STAG1: variants seen among roughly 807,000 people sequenced by gnomAD.
STAG1 encodes the protein STAG1 cohesin complex component.
A neutral mutation model predicts 170.9 loss-of-function variants in STAG1; 26 were observed. The ratio of observed to expected loss-of-function variants is 0.15; its 90% CI spans 0.11 to 0.21. The LOEUF is 0.21. Ranked by LOEUF, STAG1 falls within the 10% of genes least tolerant of loss-of-function variation. STAG1 has a pLI of 1.00. For missense variants in STAG1, 964 were observed against 1,509.5 expected (o/e 0.64, Z 5.99); for synonymous variants, 514 against 497.7 (o/e 1.03, Z -0.44).
intron 1 of STAG1, among the ~76,000 whole-genome samples, chr3:136,650,403 T>C (rs1270402558): frequency 1.3e-5 from 2 of 152,122 alleles, no homozygotes; most frequent in African/African-American, 4.8e-5. Flanking sequence ...TTCTAAACAG[T>C]GAAATTAAGG....
At chr3:136,621,432 C>T (rs1939843809) in intron 3 of STAG1, among the ~76,000 whole-genome samples, 1 of 152,154 alleles carries the variant, frequency 6.6e-6, no homozygotes, top group Non-Finnish European at 1.5e-5. Flanking sequence ...AGCAATGAAA[C>T]TTGCCTATGG....
Position 136,502,619 on chromosome 3 carries a change from GA to G in STAG1, c.828+8del. 1 of 1,611,564 alleles carries G rather than the reference GA, an allele frequency of 6.2e-7. No individual in the cohort carries two copies. The highest frequency in any genetic ancestry group is 8.5e-7 in the Non-Finnish European group (1 of 1,179,036). On this transcript the variant is annotated splice_region_variant and intron_variant, in intron 8 of 33. Coordinates refer to ENST00000383202, the MANE Select transcript of STAG1 (RefSeq NM_005862.3). ...AGAACATAAAATCATCAGTTCCCAT[GA>G]AACTTACCTCTTTGCGTTTCTGAAG... is the stretch of plus-strand genomic sequence containing the variant.
In STAG1 at chr3:136,526,122, C is replaced by T. The variant is rs562328797; in HGVS notation, c.472-4705G>A. 2.0e-5 allele frequency among the ~76,000 whole-genome samples: 3 copies of T among 152,250 alleles called. No homozygotes were observed. In the South Asian group the frequency reaches 6.2e-4, roughly 32 times the overall value. On this transcript the variant is annotated intron_variant, in intron 6 of 33. Coordinates refer to ENST00000383202, the MANE Select transcript of STAG1 (RefSeq NM_005862.3). ...AGATGTCTATTAATTCTGCTTGGTGCAGAGCTGAGTTCAATTCCTGGATAT... is the reference window on the plus strand; with the variant it reads ...AGATGTCTATTAATTCTGCTTGGTGTAGAGCTGAGTTCAATTCCTGGATAT...
intron 6 of STAG1, among the ~76,000 whole-genome samples, chr3:136,523,103 C>G (rs1374459376): frequency 2.4e-4 from 37 of 152,160 alleles, no homozygotes; most frequent in Admixed American, 2.4e-3. Flanking sequence ...ATGGCTGGCT[C>G]AAATGATATT....
intron 1 of STAG1, among the ~76,000 whole-genome samples, chr3:136,641,165 T>C (rs1276449456): frequency 1.3e-5 from 2 of 152,186 alleles, no homozygotes; most frequent in African/African-American, 4.8e-5. Flanking sequence ...AAGAGAAAGA[T>C]TCTTCTTCAA....
At chr3:136,498,782 C>G (rs937097316) in intron 9 of STAG1, among the ~76,000 whole-genome samples, 1 of 151,754 alleles carries the variant, frequency 6.6e-6, no homozygotes, top group Non-Finnish European at 1.5e-5. Flanking sequence ...GTTATACATG[C>G]AGTATATGCA....
intron 21 of STAG1, among the ~76,000 whole-genome samples, chr3:136,403,092 G>C (rs749868338): frequency 6.6e-6 from 1 of 151,772 alleles, no homozygotes; most frequent in Non-Finnish European, 1.5e-5. Flanking sequence ...GCTAAGCATG[G>C]TGGCACATGC....
chr3:136,454,729 G>A (rs909340306), intron 13 of STAG1, among the ~76,000 whole-genome samples: 2 of 152,138 alleles, frequency 1.3e-5, no homozygotes, highest in African/African-American at 4.8e-5. Flanking sequence ...AGGTATTGAG[G>A]AATTTGCTTA....
chr3:136,649,397 T>C (rs952169785), intron 1 of STAG1, among the ~76,000 whole-genome samples: 2 of 150,900 alleles, frequency 1.3e-5, no homozygotes, highest in Non-Finnish European at 2.9e-5. Flanking sequence ...GAGAATTGCT[T>C]GAACCCGGGA....
intron 14 of STAG1, among the ~76,000 whole-genome samples, chr3:136,445,069 C>T (rs1366288273): frequency 6.9e-6 from 1 of 145,584 alleles, no homozygotes; most frequent in East Asian, 2.0e-4. Flanking sequence ...TGTTACTAGG[C>T]TGGTTTCAGT....
intron 9 of STAG1, among the ~76,000 whole-genome samples, chr3:136,487,812 A>T (rs1385881508): frequency 6.6e-6 from 1 of 152,204 alleles, no homozygotes; most frequent in Non-Finnish European, 1.5e-5. Context: ...ATGTAGTAGA[A>T]ATGAGGAATT....
chr3:136,690,056 C>CAAAAAAAAAAAAAAAAAAAAA (rs57082567), intron 1 of STAG1, among the ~76,000 whole-genome samples: 19 of 56,368 alleles, frequency 3.4e-4, no homozygotes, highest in South Asian at 7.8e-4. Context: ...AAAAGCAAAC[C>CAAAAAAAAAAAAAAAAAAAAA]AAAAAAAAAA....
At chr3:136,691,350 G>T (rs553985033) in intron 1 of STAG1, among the ~76,000 whole-genome samples, 10 of 151,930 alleles carry the variant, frequency 6.6e-5, no homozygotes, top group African/African-American at 2.4e-4. Flanking sequence ...CAGAAGAATG[G>T]CATGAACCAG....
At chr3:136,643,784 T>C (rs962269448) in intron 1 of STAG1, among the ~76,000 whole-genome samples, 2 of 152,102 alleles carry the variant, frequency 1.3e-5, no homozygotes, top group African/African-American at 2.4e-5. Context: ...GCTGGGATTA[T>C]AGGTATGAGC....
intron 1 of STAG1, among the ~76,000 whole-genome samples, chr3:136,717,344 T>C (rs971470106): frequency 6.6e-6 from 1 of 152,178 alleles, no homozygotes; most frequent in African/African-American, 2.4e-5. Flanking sequence ...TTAAAAGCAT[T>C]TTGTTACTAA....
intron 4 of STAG1, among the ~76,000 whole-genome samples, chr3:136,573,797 C>G (rs1278899906): frequency 1.3e-5 from 2 of 151,988 alleles, no homozygotes; most frequent in Admixed American, 1.3e-4. Context: ...ATGGTGAAAC[C>G]CCATCTCTAT....
chr3:136,515,689 C>T (rs750637688), intron 7 of STAG1, among the ~76,000 whole-genome samples: 7 of 151,786 alleles, frequency 4.6e-5, no homozygotes, highest in Non-Finnish European at 8.8e-5. Context: ...GATGATAGAA[C>T]GTAAAAGACA....
At chr3:136,740,848 T>C (rs1274716379) in intron 1 of STAG1, among the ~76,000 whole-genome samples, 2 of 152,326 alleles carry the variant, frequency 1.3e-5, no homozygotes, top group East Asian at 1.9e-4. Flanking sequence ...TACGAGTATG[T>C]AATCTAATTT....
At chr3:136,734,596 C>T (rs1343299369) in intron 1 of STAG1, among the ~76,000 whole-genome samples, 1 of 152,146 alleles carries the variant, frequency 6.6e-6, no homozygotes, top group African/African-American at 2.4e-5. Flanking sequence ...CAGCAGGGGG[C>T]ACACTGACAG....
Sources: gnomAD v4.1 joint callset for allele counts (sites outside exome capture counted in the v4.1 genomes callset) on GRCh38, gnomAD v4.1.1 for gene constraint, MANE v1.5 for transcripts, NCBI Gene and HGNC (gene_info 2026-07-23, HGNC 2026-07-21) for gene names.